CDH24: variants seen among roughly 807,000 people sequenced by gnomAD.
CDH24 encodes cadherin-24.
A neutral mutation model predicts 71.2 loss-of-function variants in CDH24; 61 were observed. That is an observed-to-expected ratio of 0.86 (90% CI 0.70 to 1.06). CDH24 has a LOEUF of 1.06. CDH24 is among the 50% of genes least tolerant of loss of function. CDH24 has a pLI of 0.00. For missense variants in CDH24, 961 were observed against 1,083.7 expected (o/e 0.89, Z 1.59); for synonymous variants, 440 against 470.2 (o/e 0.94, Z 0.83).
At position 23,048,044 on chromosome 14, in the gene CDH24, T is replaced by TCGTC; in HGVS notation, c.2278_2281dup (p.Asp761GlyfsTer97). 1 of 1,447,406 alleles carries TCGTC rather than the reference T, an allele frequency of 6.9e-7. No individual in the cohort carries two copies. The highest frequency in any genetic ancestry group is 9.0e-7 in the Non-Finnish European group (1 of 1,105,290). The allele number at this position is 1,447,406 out of a possible 1,614,324, so 89.7% of individuals were successfully genotyped here. On this transcript the variant is annotated frameshift_variant, in exon 12 of 13. Transcript: ENST00000487137. LOFTEE classifies it high-confidence loss of function. The stretch of plus-strand genomic sequence containing the variant: ...CAGGGTGCGGAAGAGCGGACCCCAG[T>TCGTC]CGTCCAGCGGCTCCGCGGGGCCGGG...
chr14:23,049,003 A>G, intron 11 of CDH24, 24 bp downstream of exon 11: 3 of 1,607,038 alleles, frequency 1.9e-6, no homozygotes, highest in East Asian at 4.5e-5. Context: ...TCGCACAGCT[A>G]TGTACCACTG....
rs199718070 is a variant in CDH24 at position 23,052,578 on chromosome 14, G to T, written c.1258C>A (p.Arg420Ser). Residue 420 changes from arginine (R) to serine (S), a missense_variant, in exon 8 of 13, where the codon CGT becomes AGT. Physicochemically the swap from Arg to Ser is moderately radical, Grantham distance 110 (BLOSUM62 -1). Around this residue, in one of 2 missense-constraint regions of CDH24, gnomAD observed 671 missense variants for 810.9 expected, o/e 0.83. Transcript: ENST00000487137. ...YSILPHSDPE[R>S]CFSIQPEEGT... ...TCCTCGGGCTGGATAGAGAAGCAAC[G>T]CTCCGGATCTGAGTGGGGGAGGATG... is the stretch of plus-strand genomic sequence containing the variant. 26 of 1,614,000 alleles carry T rather than the reference G, an allele frequency of 1.6e-5. No individual in the cohort carries two copies. The East Asian group carries it at 5.1e-4, about 32-fold the overall frequency.
chr14:23,048,095 C>T lies in CDH24; in HGVS notation c.2231G>A (p.Gly744Asp). The T allele has an allele frequency of 7.1e-7, 1 of 1,415,876 alleles. No individual in the cohort carries two copies. 87.7% of individuals were successfully genotyped at this position (1,415,876 alleles called of 1,614,324 possible). A position where few individuals can be genotyped will look rare whatever the true frequency, so the allele number is the denominator to read the frequency against. ...GSSCGSLSSL[G>D]SGSEAGGAPG... Reference sequence around the variant, plus strand: ...GGCGCCGCCGGCTTCGCTGCCGGAGCCCAGGGAGCTGAGGGAGCCGCAAGA... The same window carrying T: ...GGCGCCGCCGGCTTCGCTGCCGGAGTCCAGGGAGCTGAGGGAGCCGCAAGA... Residue 744 changes from glycine to aspartate, a missense_variant, in exon 12 of 13, where the codon GGC becomes GAC. Gly to Asp is a moderately conservative substitution (Grantham distance 94, BLOSUM62 -1). Transcript: ENST00000487137.
At chr14:23,050,105 T>A in intron 8 of CDH24, 162 bp from the exon 9 acceptor site, 1 of 952,968 alleles carries the variant, frequency 1.0e-6, no homozygotes, top group African/African-American at 1.6e-5. Flanking sequence ...TGTTGCAGAA[T>A]GAATGGAACA....
rs765984044 is a variant in CDH24, at chr14:23,048,293, G to C, written c.2033C>G (p.Pro678Arg). The C allele has an allele frequency of 5.0e-6, 8 of 1,592,420 alleles. 1 individual carries two copies. In the Admixed American group the frequency reaches 1.0e-4, roughly 20 times the overall value. ...PDGAAPPAPG[P>R]PARRDVLPRA... ...GGGCAACACGTCTCGGCGCGCGGGA[G>C]GGCCGGGCGCCGGGGGGGCCGCCCC... The change falls in exon 12 of 13, where the codon CCT becomes CGT. Residue 678 changes from proline to arginine, a missense_variant. Around this residue, in one of 2 missense-constraint regions of CDH24, gnomAD observed 290 missense variants for 272.8 expected, o/e 1.06. Transcript: ENST00000487137.
rs768720761 is a variant in CDH24, at chr14:23,055,088, T to C, written c.467A>G (p.His156Arg). ...NPPIFPLGPY[H>R]ATVPEMSNVG... ...ATTGGACATCTCGGGCACGGTGGCA[T>C]GGTAGGGCCCAAGGGGAAAAATGGG... Residue 156 changes from histidine (H) to arginine (R), a missense_variant, in exon 3 of 13, where the codon CAT becomes CGT. Coordinates refer to ENST00000487137, the MANE Select transcript of CDH24 (RefSeq NM_144985.4). This position sits in a 1 kb window ranked among gnomAD's most constrained non-coding sequence, Gnocchi z 4.1. 17 of 1,612,312 alleles carry C rather than the reference T, an allele frequency of 1.1e-5. No individual in the cohort carries two copies. The South Asian group carries it at 1.2e-4, about 11-fold the overall frequency.
chr14:23,053,845 GCAGTGCTCAGTCCT>G, intron 6 of CDH24, 96 bp from the exon 7 acceptor site: 1 of 1,235,544 alleles, frequency 8.1e-7, no homozygotes, highest in Non-Finnish European at 1.1e-6. Flanking sequence ...TCACATGCAT[GCAGTGCTCAGTCCT>G]CATGTGAGGA....
chr14:23,054,946 C>A lies in CDH24; in HGVS notation c.497-80G>T. ...CAACCGATGGGGGGGGATGCAGATA[C>A]GAGGGAGGCTGAATTGAAGGGGGCA... On this transcript the variant is annotated intron_variant, in intron 3 of 12. Transcript: ENST00000487137. This position sits in a 1 kb window ranked among gnomAD's most constrained non-coding sequence, Gnocchi z 5.2. 6.3e-7 allele frequency: 1 copy of A among 1,594,930 alleles called. No homozygotes were observed. Among genetic ancestry groups the A allele is most frequent in the Non-Finnish European group, 8.5e-7 (1 of 1,169,616 alleles).
Position 23,047,790 on chromosome 14 carries a change from G to C in CDH24, c.*190C>G, listed in dbSNP as rs1270554504. 1 of 381,464 alleles carries C rather than the reference G, an allele frequency of 2.6e-6. No individual in the cohort carries two copies. The highest frequency in any genetic ancestry group is 4.6e-6 in the Non-Finnish European group (1 of 216,808). The allele number at this position is 381,464 out of a possible 1,614,324, so 23.6% of individuals were successfully genotyped here. On this transcript the variant is annotated 3_prime_UTR_variant, in exon 12 of 13. Coordinates refer to ENST00000487137, the MANE Select transcript of CDH24 (RefSeq NM_144985.4). ...ATAGAGACAAAGATTCCTGGAGAGAGACACACACACCGACTCAGGAGGAGG... is the reference window on the plus strand; with the variant it reads ...ATAGAGACAAAGATTCCTGGAGAGACACACACACACCGACTCAGGAGGAGG...
rs2047052744 is a variant in CDH24, at chr14:23,047,947, C to CG, written c.*32_*33insC. 1 of 1,288,292 alleles carries CG rather than the reference C, an allele frequency of 7.8e-7. No homozygotes were observed. Among genetic ancestry groups the CG allele is most frequent in the Admixed American group, 4.3e-5 (1 of 23,354 alleles). The allele number at this position is 1,288,292 out of a possible 1,614,324, so 79.8% of individuals were successfully genotyped here. On this transcript the variant is annotated 3_prime_UTR_variant, in exon 12 of 13. Transcript: ENST00000487137. ...CTCAGAGGGCCTGTGCCCGCTGCCC[C>CG]CCCCCCGCGGTGGGCCGGGCCAGCC...
At chr14:23,052,448 G>A (rs1162112555) in intron 8 of CDH24, 25 bp downstream of exon 8, 11 of 1,612,634 alleles carry the variant, frequency 6.8e-6, no homozygotes, top group East Asian at 4.5e-5. Flanking sequence ...GGCTGCTGCC[G>A]CCTTGTGGGC....
Position 23,051,914 on chromosome 14 carries a change from G to A in CDH24, c.1363+559C>T. 9.8e-7 allele frequency: 1 copy of A among 1,021,274 alleles called. No individual in the cohort carries two copies. Among genetic ancestry groups the A allele is most frequent in the Non-Finnish European group, 1.4e-6 (1 of 692,790 alleles). The allele number at this position is 1,021,274 out of a possible 1,614,324, so 63.3% of individuals were successfully genotyped here. On this transcript the variant is annotated intron_variant, in intron 8 of 12. Transcript: ENST00000487137. This position sits in a 1 kb window ranked among gnomAD's most constrained non-coding sequence, Gnocchi z 4.4. ...CCCGCTGCTGGCCTGACTGATGGGG[G>A]AGACCGCATATGGAGCTGGCACTCC...
Position 23,051,164 on chromosome 14 carries a change from A to G in CDH24, c.1364-1221T>C, listed in dbSNP as rs559069130. Among the ~76,000 whole-genome samples, 4 of 152,196 alleles carry G rather than the reference A, an allele frequency of 2.6e-5. No homozygotes were observed. Among genetic ancestry groups the G allele is most frequent in the Non-Finnish European group, 5.9e-5 (4 of 68,036 alleles). Reference sequence around the variant, plus strand: ...GTGCACTGCCAGGTAGTATCTGTGCATATCTACTATGCACACAGTTGCATG... The same window carrying G: ...GTGCACTGCCAGGTAGTATCTGTGCGTATCTACTATGCACACAGTTGCATG... On this transcript the variant is annotated intron_variant, in intron 8 of 12. Coordinates refer to ENST00000487137, the MANE Select transcript of CDH24 (RefSeq NM_144985.4). The surrounding 1 kb of genome is among the most constrained non-coding windows in gnomAD (Gnocchi z 4.4).
Position 23,049,261 on chromosome 14 carries a change from G to C in CDH24, c.1612C>G (p.Leu538Val). 6.4e-7 allele frequency: 1 copy of C among 1,573,694 alleles called. No individual in the cohort carries two copies. Among genetic ancestry groups the C allele is most frequent in the Non-Finnish European group, 8.6e-7 (1 of 1,159,232 alleles). The change falls in exon 11 of 13, where the codon CTG (leucine) becomes GTG (valine). Residue 538 changes from leucine (L) to valine (V), a missense_variant. By Grantham distance (32) the Leu-to-Val change is conservative. Transcript: ENST00000487137. ...GGAGCAGGGCGGGAGGGCAGCAGCA[G>C]GCTGGCGGAGCCATCTGTGGGAGAG... ...VQDNRDGSAS[L>V]LLPSRPAPPR... is the part of the protein sequence containing the mutation.
Position 23,048,134 on chromosome 14 carries a change from T to A in CDH24, c.2192A>T (p.Glu731Val). The A allele has an allele frequency of 1.4e-6, 2 of 1,397,940 alleles. No individual in the cohort carries two copies. The highest frequency in any genetic ancestry group is 1.9e-6 in the Non-Finnish European group (2 of 1,079,750). 86.6% of individuals were successfully genotyped at this position (1,397,940 alleles called of 1,614,324 possible). The change falls in exon 12 of 13, where the codon GAG becomes GTG. Residue 731 changes from glutamate (E) to valine (V), a missense_variant. Transcript: ENST00000487137. The stretch of plus-strand genomic sequence containing the variant: ...GGAGCCGCAAGAGGAGCCGCGGCCC[T>A]CGTAGCCGTACACCTGCACCGAGTC... ...PYDSVQVYGY[E>V]GRGSSCGSLS...
rs1457851851 is a variant in CDH24 at position 23,047,272 on chromosome 14, C to T, written c.*622G>A. The T allele has an allele frequency of 6.6e-6, 1 of 152,662 alleles. No homozygotes were observed. Among genetic ancestry groups the T allele is most frequent in the Non-Finnish European group, 1.5e-5 (1 of 68,384 alleles). The allele number at this position is 152,662 out of a possible 1,614,324, so 9.5% of individuals were successfully genotyped here. On this transcript the variant is annotated 3_prime_UTR_variant, in exon 13 of 13. Coordinates refer to ENST00000487137, the MANE Select transcript of CDH24 (RefSeq NM_144985.4). ...GAGGCGGCCACACGGGAGGCTGGAGCTCTTGCCCTGGGAGGCAGGCTGGTT... is the reference window on the plus strand; with the variant it reads ...GAGGCGGCCACACGGGAGGCTGGAGTTCTTGCCCTGGGAGGCAGGCTGGTT...
Position 23,047,806 on chromosome 14 carries a change from C to G in CDH24, c.*174G>C, listed in dbSNP as rs980906849. The G allele has an allele frequency of 7.7e-6, 3 of 390,968 alleles. No individual in the cohort carries two copies. Among genetic ancestry groups the G allele is most frequent in the African/African-American group, 6.3e-5 (3 of 47,504 alleles). 24.2% of individuals were successfully genotyped at this position (390,968 alleles called of 1,614,324 possible). ...CTGGAGAGAGACACACACACCGACT[C>G]AGGAGGAGGGAGGTGAGAGCGAGGG... On this transcript the variant is annotated 3_prime_UTR_variant, in exon 12 of 13. Transcript: ENST00000487137.
In CDH24 at chr14:23,054,801, GC is replaced by G. The variant is rs747096445; in HGVS notation, c.561del (p.Lys187AsnfsTer40). ...AGTCCATCCAGAACAGTGTACACCA[GC>G]TTGGCACTGTTCCCATAGCTGGGGT... is the stretch of plus-strand genomic sequence containing the variant. ...ADDPSYGNSA[K>X]LVYTVLDGLP... On this transcript the variant is annotated frameshift_variant, in exon 4 of 13. Coordinates refer to ENST00000487137, the MANE Select transcript of CDH24 (RefSeq NM_144985.4). LOFTEE classifies it high-confidence loss of function. The surrounding 1 kb of genome is among the most constrained non-coding windows in gnomAD (Gnocchi z 5.2). 1.2e-6 allele frequency: 2 copies of G among 1,614,044 alleles called. No homozygotes were observed. Among genetic ancestry groups the G allele is most frequent in the Non-Finnish European group, 1.7e-6 (2 of 1,180,014 alleles).
In CDH24 at chr14:23,052,396, C is replaced by G. The variant is rs1418200602; in HGVS notation, c.1363+77G>C. 4.6e-6 allele frequency: 7 copies of G among 1,530,122 alleles called. No homozygotes were observed. In the African/African-American group the frequency reaches 8.2e-5, roughly 18 times the overall value. 94.8% of individuals were successfully genotyped at this position (1,530,122 alleles called of 1,614,324 possible). ...GTGAGGGTGCGATGGCAGTTAGCAC[C>G]CTTCTCCACCCCCACACCCAGGGAC... On this transcript the variant is annotated intron_variant, in intron 8 of 12. Transcript: ENST00000487137.
Sources: allele counts gnomAD v4.1 joint callset (sites outside exome capture counted in the v4.1 genomes callset), GRCh38; gene constraint gnomAD v4.1.1; regional missense constraint gnomAD v4.1.1; non-coding constraint Gnocchi (gnomAD v3.1); transcripts MANE v1.5; gene names NCBI Gene and HGNC (gene_info 2026-07-23, HGNC 2026-07-21).